Variants in EXT1 observed in about 807,000 individuals in gnomAD.
EXT1 encodes the protein exostosin-1.
In EXT1, 20 loss-of-function variants were observed where a neutral mutation model predicts 82.5. The observed-to-expected ratio is 0.24, with a 90% CI of 0.17 to 0.35. The LOEUF (loss-of-function observed/expected upper bound fraction) is 0.35, where lower values mean the gene tolerates loss of function less well. Among genes scored for constraint, EXT1 ranks in the 10% least tolerant of loss-of-function variants. The pLI, the probability that EXT1 is intolerant of heterozygous loss-of-function variation, is 1.00. For missense variants in EXT1, 757 were observed against 936.5 expected (o/e 0.81, Z 2.50); for synonymous variants, 348 against 350.8 (o/e 0.99, Z 0.09).
intron 1 of EXT1, among the ~76,000 whole-genome samples, chr8:117,837,853 A>G (rs1258810193): frequency 1.3e-5 from 2 of 149,448 alleles, no homozygotes; most frequent in Non-Finnish European, 3.0e-5. Flanking sequence ...ACGAGAAAAG[A>G]AAAGAAAAAA....
chr8:117,933,274 T>G (rs1240225386), intron 1 of EXT1, among the ~76,000 whole-genome samples: 3 of 148,792 alleles, frequency 2.0e-5, no homozygotes, highest in African/African-American at 7.5e-5. Flanking sequence ...TGAGATGGAG[T>G]CTTGCTCTGT....
intron 9 of EXT1, among the ~76,000 whole-genome samples, chr8:117,806,270 G>A (rs1471631267): frequency 3.3e-5 from 5 of 152,112 alleles, no homozygotes; most frequent in African/African-American, 9.7e-5. Flanking sequence ...AAGAAAAGCC[G>A]GATTTCTCCT....
intron 1 of EXT1, among the ~76,000 whole-genome samples, chr8:117,866,174 G>A (rs1812771408): frequency 6.6e-6 from 1 of 152,170 alleles, no homozygotes; most frequent in Non-Finnish European, 1.5e-5. Context: ...GCAGTGAGCT[G>A]AGATTGCGGC....
intron 1 of EXT1, among the ~76,000 whole-genome samples, chr8:117,920,741 G>A (rs937429610): frequency 6.6e-6 from 1 of 152,138 alleles, no homozygotes; most frequent in African/African-American, 2.4e-5. Context: ...TTACTTTAGG[G>A]AGGAGGAAGC....
At chr8:118,036,958 G>A (rs141038266) in intron 1 of EXT1, among the ~76,000 whole-genome samples, 14 of 152,190 alleles carry the variant, frequency 9.2e-5, no homozygotes, top group Admixed American at 9.2e-4. Flanking sequence ...CAGGGTCTAG[G>A]GGCACGCAGC....
At chr8:117,978,047 A>C (rs1427424160) in intron 1 of EXT1, among the ~76,000 whole-genome samples, 1 of 152,248 alleles carries the variant, frequency 6.6e-6, no homozygotes, top group Admixed American at 6.5e-5. Flanking sequence ...AATCTTTTGA[A>C]AAGTATCTAT....
At chr8:118,108,152 C>T (rs1817832260) in intron 1 of EXT1, among the ~76,000 whole-genome samples, 1 of 152,140 alleles carries the variant, frequency 6.6e-6, no homozygotes, top group Non-Finnish European at 1.5e-5. Flanking sequence ...CTAGAAAATG[C>T]TTCCATTCCA....
chr8:117,888,442 T>C (rs1309690966), intron 1 of EXT1, among the ~76,000 whole-genome samples: 2 of 152,280 alleles, frequency 1.3e-5, no homozygotes, highest in South Asian at 2.1e-4. Context: ...AATAAAGTAA[T>C]ATAATAGTTC....
chr8:117,817,747 A>G (rs1247697750), intron 7 of EXT1, among the ~76,000 whole-genome samples: 1 of 152,186 alleles, frequency 6.6e-6, no homozygotes, highest in Non-Finnish European at 1.5e-5. Context: ...CAGGGTCTGT[A>G]GGGGAAAGCA....
At chr8:117,899,774 T>C (rs1337279151) in intron 1 of EXT1, among the ~76,000 whole-genome samples, 1 of 152,230 alleles carries the variant, frequency 6.6e-6, no homozygotes, top group African/African-American at 2.4e-5. Flanking sequence ...GTGTTTTAGA[T>C]GATGCTACCT....
In EXT1 at chr8:118,110,548, A is replaced by C. The variant is rs1227559201; in HGVS notation, c.499T>G (p.Ser167Ala). The C allele has an allele frequency of 6.2e-7, 1 of 1,614,186 alleles. No homozygotes were observed. Among genetic ancestry groups the C allele is most frequent in the Non-Finnish European group, 8.5e-7 (1 of 1,180,038 alleles). Residue 167 changes from serine to alanine, a missense_variant, in exon 1 of 11, where the codon TCA becomes GCA. Transcript: ENST00000378204. Reference protein sequence around the residue: ...SLDTLDRDQLSPQYVHNLRSK... With the variant: ...SLDTLDRDQLAPQYVHNLRSK... ...CTCAAATTGTGCACATACTGAGGTG[A>C]CAACTGGTCTCTGTCTAAAGTATCC...
chr8:117,832,521 A>T (rs998004741), intron 3 of EXT1, among the ~76,000 whole-genome samples: 1 of 108,576 alleles, frequency 9.2e-6, no homozygotes, highest in Admixed American at 8.2e-5. Flanking sequence ...AGACTGTCTT[A>T]AAAAAAAAAA....
At chr8:117,905,634 A>G (rs1311440483) in intron 1 of EXT1, among the ~76,000 whole-genome samples, 1 of 152,102 alleles carries the variant, frequency 6.6e-6, no homozygotes, top group Non-Finnish European at 1.5e-5. Context: ...AACACGGTGA[A>G]AGCCCGTCTG....
At chr8:117,879,747 CAA>C (rs1291535293) in intron 1 of EXT1, among the ~76,000 whole-genome samples, 3 of 152,092 alleles carry the variant, frequency 2.0e-5, no homozygotes, top group African/African-American at 7.2e-5. Context: ...CCCCAAAACA[CAA>C]AAGAGAACTA....
At chr8:118,017,054 A>G (rs1360667251) in intron 1 of EXT1, among the ~76,000 whole-genome samples, 2 of 152,364 alleles carry the variant, frequency 1.3e-5, no homozygotes, top group East Asian at 3.9e-4. Flanking sequence ...GGAATATGTA[A>G]CATTTAGCAT....
intron 9 of EXT1, 100 bp downstream of exon 9, chr8:117,807,117 C>T: frequency 6.9e-7 from 1 of 1,455,022 alleles, no homozygotes; most frequent in African/African-American, 1.4e-5. Context: ...ACTAATTTTC[C>T]TCAATGCTGT....
chr8:118,104,777 C>T (rs1655677030), intron 1 of EXT1, among the ~76,000 whole-genome samples: 1 of 152,094 alleles, frequency 6.6e-6, no homozygotes. Flanking sequence ...CATTTTGGAC[C>T]TTTGGATTAG....
chr8:117,851,210 A>G (rs1039368603), intron 1 of EXT1, among the ~76,000 whole-genome samples: 2 of 152,204 alleles, frequency 1.3e-5, no homozygotes, highest in Non-Finnish European at 2.9e-5. Context: ...GATGAAAAAA[A>G]GCAGCCAGGA....
chr8:117,970,027 T>A (rs1443372359), intron 1 of EXT1, among the ~76,000 whole-genome samples: 2 of 152,208 alleles, frequency 1.3e-5, no homozygotes, highest in East Asian at 3.8e-4. Flanking sequence ...AATTTTAACA[T>A]GTTACTTCAA....
Sources: gnomAD v4.1 joint callset for allele counts (sites outside exome capture counted in the v4.1 genomes callset) on GRCh38, gnomAD v4.1.1 for gene constraint, MANE v1.5 for transcripts, NCBI Gene and HGNC (gene_info 2026-07-23, HGNC 2026-07-21) for gene names.